Variants in FAT3 observed in about 807,000 individuals in gnomAD.
FAT3 encodes protocadherin Fat 3.
FAT3 carries 95 observed loss-of-function variants against 310.2 expected under a neutral mutation model. That is an observed-to-expected ratio of 0.31 (90% CI 0.26 to 0.36). The LOEUF (loss-of-function observed/expected upper bound fraction) is 0.36, where lower values mean the gene tolerates loss of function less well. FAT3 is among the 10% of genes least tolerant of loss of function. The probability of loss-of-function intolerance (pLI) is 1.00; values close to 1 mark genes in which losing one functional copy is unlikely to be tolerated. For synonymous variants in FAT3, 2,314 were observed against 2,192.9 expected, an observed-to-expected ratio of 1.06 and a Z score of -1.54; for missense variants, 5,408 against 5,715.6, an observed-to-expected ratio of 0.95 and a Z score of 1.74.
At chr11:92,656,928 A>G (rs190118774) in intron 3 of FAT3, among the ~76,000 whole-genome samples, 37 of 149,294 alleles carry the variant, frequency 2.5e-4, no homozygotes, top group African/African-American at 7.3e-4. Flanking sequence ...CACCCCCTAA[A>G]CACCTGGCTT....
chr11:92,597,641 G>A (rs1939779660), intron 3 of FAT3, among the ~76,000 whole-genome samples: 1 of 152,160 alleles, frequency 6.6e-6, no homozygotes, highest in Non-Finnish European at 1.5e-5. Flanking sequence ...TCTGAAAAAT[G>A]TAGGCTTTTC....
chr11:92,600,989 C>T (rs564157010), intron 3 of FAT3, among the ~76,000 whole-genome samples: 1 of 152,112 alleles, frequency 6.6e-6, no homozygotes, highest in Non-Finnish European at 1.5e-5. Flanking sequence ...CTGGAGCAAA[C>T]TTACGGACCA....
intron 3 of FAT3, among the ~76,000 whole-genome samples, chr11:92,687,373 T>C (rs1943663540): frequency 6.6e-6 from 1 of 152,252 alleles, no homozygotes; most frequent in Non-Finnish European, 1.5e-5. Context: ...TTTGTTAAGC[T>C]TCTGTCTCGT....
Position 92,632,498 on chromosome 11 carries a change from C to T in FAT3, c.3608-64886C>T, listed in dbSNP as rs149206787. On this transcript the variant is annotated intron_variant, in intron 3 of 27. Transcript: ENST00000525166. ...AACTGGATAATCACCACCTGAAAAT[C>T]GGCTTCAAAAAGCATTTGTTGAACT... Among the ~76,000 whole-genome samples, 948 of 152,310 alleles carry T rather than the reference C, an allele frequency of 6.2e-3. 2 individuals carry two copies. The highest frequency in any genetic ancestry group is 0.01 in the Non-Finnish European group (686 of 68,030).
chr11:92,460,493 T>C (rs1016688299), intron 2 of FAT3, among the ~76,000 whole-genome samples: 1 of 152,170 alleles, frequency 6.6e-6, no homozygotes, highest in East Asian at 1.9e-4. Context: ...TCTGTGACAG[T>C]GTGTATTGGT....
intron 2 of FAT3, among the ~76,000 whole-genome samples, chr11:92,461,681 G>A (rs1229081564): frequency 2.0e-5 from 3 of 152,126 alleles, no homozygotes; most frequent in African/African-American, 7.2e-5. Context: ...GCTGGTGTCA[G>A]CAAGTGTGTT....
intron 24 of FAT3, among the ~76,000 whole-genome samples, chr11:92,886,401 G>T (rs779819539): frequency 4.6e-5 from 7 of 152,146 alleles, no homozygotes; most frequent in Non-Finnish European, 8.8e-5. Flanking sequence ...GGTAAAGAAG[G>T]AGGACATATG....
chr11:92,674,226 C>A (rs1943218133), intron 3 of FAT3, among the ~76,000 whole-genome samples: 1 of 139,758 alleles, frequency 7.2e-6, no homozygotes. Flanking sequence ...AATAAAGAGA[C>A]ACTTGTTAAG....
intron 1 of FAT3, among the ~76,000 whole-genome samples, chr11:92,282,804 C>A (rs1946464202): frequency 6.6e-6 from 1 of 152,094 alleles, no homozygotes; most frequent in Non-Finnish European, 1.5e-5. Flanking sequence ...TATTTTGGTA[C>A]ATAGCTTATG....
chr11:92,883,297 G>T lies in FAT3; in HGVS notation c.12841G>T (p.Val4281Phe). Residue 4281 changes from valine to phenylalanine, a missense_variant, in exon 24 of 28, where the codon GTC becomes TTC. Val to Phe is a conservative substitution (Grantham distance 50, BLOSUM62 -1). Transcript: ENST00000525166. The surrounding 1 kb of genome is among the most constrained non-coding windows in gnomAD (Gnocchi z 4.2). The stretch of plus-strand genomic sequence containing the variant: ...CATCCTGACAGCCCGGCGGGGCGTG[G>T]TCGTGTGCAGTGTGGCCCCCAACCT... ...PRILTARRGV[V>F]VCSVAPNLPA... 1.2e-6 allele frequency: 2 copies of T among 1,612,596 alleles called. No homozygotes were observed. Among genetic ancestry groups the T allele is most frequent in the South Asian group, 2.2e-5 (2 of 91,078 alleles).
chr11:92,673,847 A>C (rs907224436), intron 3 of FAT3, among the ~76,000 whole-genome samples: 1 of 152,064 alleles, frequency 6.6e-6, no homozygotes, highest in Non-Finnish European at 1.5e-5. Flanking sequence ...GACTTCCAGG[A>C]GGATAAGATT....
At chr11:92,275,070 A>T (rs1354678628) in intron 1 of FAT3, among the ~76,000 whole-genome samples, 1 of 152,092 alleles carries the variant, frequency 6.6e-6, no homozygotes, top group African/African-American at 2.4e-5. Flanking sequence ...AGTAACAGGG[A>T]ACTTCTGTTG....
chr11:92,700,859 A>G (rs1490617503), intron 4 of FAT3, among the ~76,000 whole-genome samples: 3 of 152,210 alleles, frequency 2.0e-5, no homozygotes, highest in East Asian at 3.9e-4. Flanking sequence ...AATTTTGGCC[A>G]CATTTTTTCT....
intron 3 of FAT3, among the ~76,000 whole-genome samples, chr11:92,691,066 C>T (rs762108874): frequency 1.3e-5 from 2 of 152,166 alleles, no homozygotes; most frequent in Admixed American, 6.5e-5. Flanking sequence ...CCTGCACTGC[C>T]GGGCACAGAA....
chr11:92,427,716 A>T (rs1348939506), intron 2 of FAT3, among the ~76,000 whole-genome samples: 1 of 152,186 alleles, frequency 6.6e-6, no homozygotes. Context: ...CCAGGGATGA[A>T]GCAGACTTGA....
At chr11:92,359,343 G>T (rs1454445953) in intron 2 of FAT3, among the ~76,000 whole-genome samples, 1 of 151,982 alleles carries the variant, frequency 6.6e-6, no homozygotes, top group Non-Finnish European at 1.5e-5. Context: ...TTTATTAGTG[G>T]TGATATTTTT....
At position 92,801,731 on chromosome 11, in the gene FAT3, C is replaced by T. The variant is rs533791788; in HGVS notation, c.8718C>T (p.Ser2906=). 1 of 1,613,962 alleles carries T rather than the reference C, an allele frequency of 6.2e-7. No individual in the cohort carries two copies. Among genetic ancestry groups the T allele is most frequent in the African/African-American group, 1.3e-5 (1 of 75,034 alleles). The part of the protein sequence containing the change: ...SDLGEAFSLS[S]TALVSVRVTD... ...TTGGAGAGGCATTCTCTCTTTCCTC[C>T]ACGGCCTTGGTCTCTGTCAGAGTGA... The change falls in exon 10 of 28, where the codon TCC becomes TCT. Residue 2906 remains serine, a synonymous_variant. Coordinates refer to ENST00000525166, the MANE Select transcript of FAT3 (RefSeq NM_001367949.2).
In FAT3 at chr11:92,473,529, G is replaced by GT. The variant is rs1242368509; in HGVS notation, c.3293-51104dup. 2.0e-5 allele frequency among the ~76,000 whole-genome samples: 3 copies of GT among 152,266 alleles called. No individual in the cohort carries two copies. In the South Asian group the frequency reaches 6.2e-4, roughly 32 times the overall value. On this transcript the variant is annotated intron_variant, in intron 2 of 27. Transcript: ENST00000525166. ...TCATTTAACTTCACCTGCAAATGTA[G>GT]TAAGTACATCCTTGATTATCTCATC...
chr11:92,756,368 C>T (rs749871653), intron 4 of FAT3, among the ~76,000 whole-genome samples: 2 of 152,136 alleles, frequency 1.3e-5, no homozygotes, highest in Non-Finnish European at 2.9e-5. Flanking sequence ...CACAAAATAG[C>T]TTATTGTGCT....
Sources: gnomAD v4.1 joint callset for allele counts (sites outside exome capture counted in the v4.1 genomes callset) on GRCh38, gnomAD v4.1.1 for gene constraint, Gnocchi (gnomAD v3.1) non-coding constraint, MANE v1.5 for transcripts, NCBI Gene and HGNC (gene_info 2026-07-23, HGNC 2026-07-21) for gene names.